TNS3: variants seen among roughly 807,000 people sequenced by gnomAD.
TNS3 encodes the protein tensin 3.
TNS3 carries 45 observed loss-of-function variants against 140.9 expected under a neutral mutation model. That is an observed-to-expected ratio of 0.32 (90% confidence interval 0.25 to 0.41). The LOEUF is 0.41. Ranked by LOEUF, TNS3 falls within the 10% of genes least tolerant of loss-of-function variation. TNS3 has a pLI of 1.00. For synonymous variants in TNS3, 815 were observed against 788.4 expected (o/e 1.03, Z -0.56); for missense variants, 1,716 against 1,906.7 (o/e 0.90, Z 1.86).
intron 1 of TNS3, among the ~76,000 whole-genome samples, chr7:47,545,973 A>G (rs556934007): frequency 8.1e-4 from 123 of 152,284 alleles, no homozygotes; most frequent in African/African-American, 2.8e-3. Flanking sequence ...ATTTCTTCAC[A>G]GTCTTCCCAG....
At chr7:47,434,034 T>C (rs936859482) in intron 8 of TNS3, among the ~76,000 whole-genome samples, 1 of 151,868 alleles carries the variant, frequency 6.6e-6, no homozygotes, top group East Asian at 1.9e-4. Flanking sequence ...ACCTGTCCAT[T>C]TGGGGGGAAA....
At chr7:47,280,398 C>G (rs1241833719) in intron 28 of TNS3, 44 bp from the exon 29 acceptor site, 1 of 1,589,304 alleles carries the variant, frequency 6.3e-7, no homozygotes, top group African/African-American at 1.3e-5. Flanking sequence ...GTTACTAGGG[C>G]TTTTGGGTGA....
At chr7:47,551,004 A>G (rs1800046419) in intron 1 of TNS3, among the ~76,000 whole-genome samples, 2 of 152,224 alleles carry the variant, frequency 1.3e-5, no homozygotes, top group Admixed American at 1.3e-4. Context: ...CACCCAGCCA[A>G]GGAACATGAG....
In TNS3 at chr7:47,350,959, G is replaced by A. The variant is rs559721340; in HGVS notation, c.2282-4603C>T. ...GTTTCATTTTTATTTTAAAAACTAA[G>A]AAAATGTCCTAAAATGCTCATAAGA... On this transcript the variant is annotated intron_variant, in intron 17 of 30. Transcript: ENST00000311160. Among the ~76,000 whole-genome samples, 5 of 152,276 alleles carry A rather than the reference G, an allele frequency of 3.3e-5. No homozygotes were observed. In the East Asian group the frequency reaches 9.7e-4, roughly 29 times the overall value.
chr7:47,333,814 A>T (rs945022791), intron 20 of TNS3, among the ~76,000 whole-genome samples: 1 of 152,226 alleles, frequency 6.6e-6, no homozygotes, highest in African/African-American at 2.4e-5. Context: ...TTTCAATAAG[A>T]AAGTGCATTC....
intron 4 of TNS3, among the ~76,000 whole-genome samples, chr7:47,476,102 G>A (rs1038758638): frequency 1.2e-4 from 19 of 152,144 alleles, no homozygotes; most frequent in African/African-American, 3.9e-4. Flanking sequence ...CACACATCAC[G>A]TGTCTTCCCT....
At chr7:47,561,454 A>T (rs1461322371) in intron 1 of TNS3, among the ~76,000 whole-genome samples, 1 of 152,110 alleles carries the variant, frequency 6.6e-6, no homozygotes, top group African/African-American at 2.4e-5. Context: ...TCTGTTCATT[A>T]TCTGTTTTTC....
At chr7:47,360,257 G>A (rs1361666827) in intron 17 of TNS3, among the ~76,000 whole-genome samples, 3 of 152,024 alleles carry the variant, frequency 2.0e-5, no homozygotes, top group African/African-American at 7.2e-5. Context: ...TCATACCCAC[G>A]GCCCTAAAGC....
At chr7:47,320,293 A>G (rs1174084836) in intron 20 of TNS3, among the ~76,000 whole-genome samples, 1 of 152,152 alleles carries the variant, frequency 6.6e-6, no homozygotes, top group Non-Finnish European at 1.5e-5. Flanking sequence ...CAGCTGGAGC[A>G]GGACTCAAAC....
chr7:47,305,142 C>T (rs1786671117), intron 20 of TNS3, 139 bp from the exon 21 acceptor site: 2 of 596,536 alleles, frequency 3.4e-6, no homozygotes, highest in South Asian at 8.5e-5. Context: ...CTGAACATGA[C>T]ATCACTACCC....
intron 27 of TNS3, among the ~76,000 whole-genome samples, chr7:47,291,543 G>C (rs985094492): frequency 1.3e-5 from 2 of 152,130 alleles, no homozygotes; most frequent in Non-Finnish European, 2.9e-5. Context: ...TGGCGAGCTG[G>C]TTCTTGGGTG....
At chr7:47,439,775 G>A in intron 5 of TNS3, 117 bp from the exon 6 acceptor site, 1 of 1,075,442 alleles carries the variant, frequency 9.3e-7, no homozygotes, top group Admixed American at 2.2e-5. Context: ...ATCAGCACCT[G>A]GGCGGCCAGC....
At chr7:47,349,982 C>G (rs1789570084) in intron 17 of TNS3, among the ~76,000 whole-genome samples, 1 of 152,204 alleles carries the variant, frequency 6.6e-6, no homozygotes, top group African/African-American at 2.4e-5. Context: ...GAGTACTCAT[C>G]CTACACCACA....
At chr7:47,318,899 A>C (rs1037012696) in intron 20 of TNS3, among the ~76,000 whole-genome samples, 1 of 152,228 alleles carries the variant, frequency 6.6e-6, no homozygotes, top group African/African-American at 2.4e-5. Flanking sequence ...CCAGTCTCAT[A>C]ACTGGACTTG....
At chr7:47,386,479 C>T (rs1792078643) in intron 16 of TNS3, among the ~76,000 whole-genome samples, 1 of 152,256 alleles carries the variant, frequency 6.6e-6, no homozygotes, top group African/African-American at 2.4e-5. Flanking sequence ...CAGGCCTTGA[C>T]CTTGGCTCCC....
At chr7:47,494,758 G>C (rs1455956678) in intron 3 of TNS3, among the ~76,000 whole-genome samples, 1 of 151,788 alleles carries the variant, frequency 6.6e-6, no homozygotes, top group Non-Finnish European at 1.5e-5. Context: ...GAGGCGGAGA[G>C]AGGGCGCCCC....
In TNS3 at chr7:47,276,988, A is replaced by C. The variant is rs3184329; in HGVS notation, c.*1088T>G. 0.44 allele frequency: 66,639 copies of C among 152,076 alleles called. 15,037 individuals are homozygous for C. Among genetic ancestry groups the C allele is most frequent in the African/African-American group, 0.5 (20,637 of 41,456 alleles). 9.4% of individuals were successfully genotyped at this position (152,076 alleles called of 1,614,324 possible). Reference sequence around the variant, plus strand: ...GGGGGATGCTGAGCTTAAATCCAGGAGTTTTCCATCCCTCCTGGACTCTCT... The same window carrying C: ...GGGGGATGCTGAGCTTAAATCCAGGCGTTTTCCATCCCTCCTGGACTCTCT... On this transcript the variant is annotated 3_prime_UTR_variant, in exon 31 of 31. Transcript: ENST00000311160.
intron 17 of TNS3, among the ~76,000 whole-genome samples, chr7:47,365,967 A>G (rs1485498131): frequency 6.6e-6 from 1 of 152,156 alleles, no homozygotes; most frequent in Non-Finnish European, 1.5e-5. Context: ...AACCTAAGCC[A>G]AGAGACTACT....
chr7:47,303,699 T>A, intron 21 of TNS3, 115 bp from the exon 22 acceptor site: 2 of 1,272,130 alleles, frequency 1.6e-6, no homozygotes, highest in South Asian at 3.1e-5. Flanking sequence ...GCTGAGGCCC[T>A]CCAGGCAGCA....
Sources: allele counts gnomAD v4.1 joint callset (sites outside exome capture counted in the v4.1 genomes callset), GRCh38; gene constraint gnomAD v4.1.1; transcripts MANE v1.5; gene names NCBI Gene and HGNC (gene_info 2026-07-23, HGNC 2026-07-21).